MTBP: variants seen among roughly 807,000 people sequenced by gnomAD.
The protein encoded by MTBP is MDM2 binding protein, also known as mdm2-binding protein.
In MTBP, 101 loss-of-function variants were observed where a neutral mutation model predicts 117.0. The ratio of observed to expected loss-of-function variants is 0.86; its 90% CI spans 0.73 to 1.02. The LOEUF is 1.02. Ranked by LOEUF, MTBP falls within the 50% of genes least tolerant of loss-of-function variation. The probability of loss-of-function intolerance (pLI) is 0.00; values close to 1 mark genes in which losing one functional copy is unlikely to be tolerated. For synonymous variants in MTBP, 350 were observed against 351.5 expected, an observed-to-expected ratio of 1.00 and a Z score of 0.05; for missense variants, 970 against 1,030.9, an observed-to-expected ratio of 0.94 and a Z score of 0.81.
At chr8:120,465,361 A>G (rs1813664845) in intron 10 of MTBP, among the ~76,000 whole-genome samples, 2 of 152,214 alleles carry the variant, frequency 1.3e-5, no homozygotes. Context: ...ACTGGCTTAC[A>G]GCTCTTAATA....
At chr8:120,515,498 C>T (rs537150574) in intron 17 of MTBP, among the ~76,000 whole-genome samples, 1 of 151,964 alleles carries the variant, frequency 6.6e-6, no homozygotes, top group African/African-American at 2.4e-5. Flanking sequence ...GTTTAGAATG[C>T]CTTTATACCC....
At position 120,516,044 on chromosome 8, in the gene MTBP, C is replaced by G. The variant is rs770551124; in HGVS notation, c.2099C>G (p.Thr700Ser). The G allele has an allele frequency of 6.2e-7, 1 of 1,613,174 alleles. No homozygotes were observed. Among genetic ancestry groups the G allele is most frequent in the South Asian group, 1.1e-5 (1 of 91,062 alleles). The change falls in exon 18 of 22, where the codon ACT becomes AGT. Residue 700 changes from threonine (T) to serine (S), a missense_variant. Thr to Ser is a moderately conservative substitution (Grantham distance 58). Coordinates refer to ENST00000305949, the MANE Select transcript of MTBP (RefSeq NM_022045.5). ...ACCAGAGAAAGTTTTCCAGTACCTACTGTGTTGAGCCCTCTTCCATCTCCT... is the reference window on the plus strand; with the variant it reads ...ACCAGAGAAAGTTTTCCAGTACCTAGTGTGTTGAGCCCTCTTCCATCTCCT... ...TCTRESFPVPTVLSPLPSPVV... is the reference protein window; with the variant it reads ...TCTRESFPVPSVLSPLPSPVV...
rs35511242 is a variant in MTBP at position 120,516,145 on chromosome 8, T to C, written c.2200T>C (p.Leu734=). The C allele has an allele frequency of 0.099, 160,047 of 1,611,884 alleles. 8,810 individuals are homozygous for C. Among genetic ancestry groups the C allele is most frequent in the East Asian group, 0.2 (8,825 of 44,830 alleles). Residue 734 remains leucine (L), a synonymous_variant, in exon 18 of 22, where the codon TTG becomes CTG. Transcript: ENST00000305949. ...QNELRTEVSR[L]KRRSKDLNCL... is the part of the protein sequence containing the mutation. ...TGAACTTCGAACTGAAGTATCCCGA[T>C]TGAAACGGAGATCTAAAGATCTGAA...
In MTBP at chr8:120,502,566, C is replaced by A. The variant is rs1468946567; in HGVS notation, c.1684C>A (p.Leu562Ile). 6.2e-7 allele frequency: 1 copy of A among 1,602,782 alleles called. No homozygotes were observed. Among genetic ancestry groups the A allele is most frequent in the Non-Finnish European group, 8.5e-7 (1 of 1,175,214 alleles). Residue 562 changes from leucine to isoleucine, a missense_variant, in exon 15 of 22, where the codon CTT becomes ATT. By Grantham distance (5) the Leu-to-Ile change is conservative. Transcript: ENST00000305949. Reference protein sequence around the residue: ...NPLEWPERHVLQNLETFEKTK... With the variant: ...NPLEWPERHVIQNLETFEKTK... ...TCTGGAATGGCCAGAAAGGCATGTT[C>A]TTCAAAATTTGGAAACTTTTGAAAA...
At chr8:120,489,742 G>A (rs1814303614) in intron 12 of MTBP, among the ~76,000 whole-genome samples, 1 of 152,126 alleles carries the variant, frequency 6.6e-6, no homozygotes, top group Non-Finnish European at 1.5e-5. Context: ...AGGCCCCCAA[G>A]GCTCACGAAA....
At chr8:120,521,072 G>A (rs533015277) in intron 20 of MTBP, among the ~76,000 whole-genome samples, 2 of 152,190 alleles carry the variant, frequency 1.3e-5, no homozygotes, top group Non-Finnish European at 2.9e-5. Context: ...CAAATTAGAG[G>A]AGGCTATGGG....
chr8:120,479,033 A>T (rs1316383918), intron 11 of MTBP, among the ~76,000 whole-genome samples: 2 of 152,224 alleles, frequency 1.3e-5, no homozygotes, highest in Non-Finnish European at 2.9e-5. Context: ...GGAGGCCATT[A>T]TCCTAAACGA....
intron 7 of MTBP, among the ~76,000 whole-genome samples, chr8:120,457,793 A>G (rs889557753): frequency 1.2e-4 from 18 of 151,940 alleles, no homozygotes; most frequent in Middle Eastern, 3.2e-3. Flanking sequence ...GCGTGGTGGC[A>G]GGTGCCTGTA....
At chr8:120,490,132 G>T (rs1449889154) in intron 12 of MTBP, among the ~76,000 whole-genome samples, 1 of 152,004 alleles carries the variant, frequency 6.6e-6, no homozygotes, top group Non-Finnish European at 1.5e-5. Flanking sequence ...ATGGCTTTTG[G>T]GGGTATCTTT....
At chr8:120,519,925 C>T (rs1428081522) in intron 20 of MTBP, among the ~76,000 whole-genome samples, 3 of 152,194 alleles carry the variant, frequency 2.0e-5, no homozygotes, top group Non-Finnish European at 4.4e-5. Context: ...GTTTTTCCAC[C>T]CACCTCAGTG....
At chr8:120,495,758 AT>A (rs200634126) in intron 13 of MTBP, among the ~76,000 whole-genome samples, 3 of 150,350 alleles carry the variant, frequency 2.0e-5, no homozygotes, top group Non-Finnish European at 3.0e-5. Context: ...TTGTTCATTG[AT>A]TTTTTTTTCT....
chr8:120,474,858 G>A (rs1396029797), intron 11 of MTBP, among the ~76,000 whole-genome samples: 1 of 151,906 alleles, frequency 6.6e-6, no homozygotes, highest in Non-Finnish European at 1.5e-5. Flanking sequence ...AGTAGTCACT[G>A]ACTAGAAAAA....
chr8:120,455,767 T>G (rs1044319069), intron 6 of MTBP, among the ~76,000 whole-genome samples, 188 bp downstream of exon 6: 1 of 152,090 alleles, frequency 6.6e-6, no homozygotes, highest in African/African-American at 2.4e-5. Context: ...ATATTTATGT[T>G]TCTGAGATAT....
intron 11 of MTBP, among the ~76,000 whole-genome samples, chr8:120,480,194 T>G (rs1427307786): frequency 1.4e-5 from 2 of 146,084 alleles, no homozygotes; most frequent in African/African-American, 2.5e-5. Flanking sequence ...ACTGCAGGAG[T>G]TCAAGACCAG....
chr8:120,498,126 T>A (rs1444197149), intron 14 of MTBP, among the ~76,000 whole-genome samples: 22 of 152,172 alleles, frequency 1.4e-4, no homozygotes, highest in Non-Finnish European at 3.2e-4. Flanking sequence ...GGTTCAAATC[T>A]CACTTTTGTT....
intron 10 of MTBP, among the ~76,000 whole-genome samples, chr8:120,466,378 AT>A (rs948740954): frequency 6.7e-6 from 1 of 149,980 alleles, no homozygotes; most frequent in Non-Finnish European, 1.5e-5. Context: ...TGGTTGGCTA[AT>A]TTTTTTTTGT....
intron 9 of MTBP, among the ~76,000 whole-genome samples, chr8:120,462,318 A>C (rs1416317968): frequency 6.6e-6 from 1 of 152,226 alleles, no homozygotes; most frequent in African/African-American, 2.4e-5. Flanking sequence ...CGATGTGTTA[A>C]AGATGTAAAA....
At chr8:120,453,095 T>G (rs1586937263) in intron 4 of MTBP, among the ~76,000 whole-genome samples, 1 of 152,164 alleles carries the variant, frequency 6.6e-6, no homozygotes, top group African/African-American at 2.4e-5. Context: ...GACTGTTAAA[T>G]ACCATTCAGA....
chr8:120,511,997 T>C (rs1814820395), intron 17 of MTBP, among the ~76,000 whole-genome samples: 1 of 152,166 alleles, frequency 6.6e-6, no homozygotes, highest in Admixed American at 6.6e-5. Context: ...TATATACACA[T>C]TTAAACTTCT....
Sources: allele counts gnomAD v4.1 joint callset (sites outside exome capture counted in the v4.1 genomes callset), GRCh38; gene constraint gnomAD v4.1.1; transcripts MANE v1.5; gene names NCBI Gene and HGNC (gene_info 2026-07-23, HGNC 2026-07-21).